Variants in ZCCHC17 observed in about 807,000 individuals in gnomAD.
ZCCHC17 encodes zinc finger CCHC domain-containing protein 17.
In ZCCHC17, 18 loss-of-function variants were observed where a neutral mutation model predicts 30.6. That is an observed-to-expected ratio of 0.59 (90% CI 0.41 to 0.87). ZCCHC17 has a LOEUF of 0.87. Among genes scored for constraint, ZCCHC17 ranks in the 40% least tolerant of loss-of-function variants. ZCCHC17 has a pLI of 0.00. For synonymous variants in ZCCHC17, 88 were observed against 92.4 expected (o/e 0.95, Z 0.27); for missense variants, 263 against 284.2 (o/e 0.93, Z 0.54).
At chr1:31,315,686 G>A (rs1352506838) in intron 2 of ZCCHC17, among the ~76,000 whole-genome samples, 1 of 152,186 alleles carries the variant, frequency 6.6e-6, no homozygotes, top group Admixed American at 6.5e-5. Flanking sequence ...GTGACAACAA[G>A]TTTCAAGGCC....
intron 3 of ZCCHC17, among the ~76,000 whole-genome samples, chr1:31,331,937 TAGTACACTAAACCTTCATGGACAAAAAA>T (rs1270287899): frequency 6.6e-6 from 1 of 152,112 alleles, no homozygotes; most frequent in Non-Finnish European, 1.5e-5. Flanking sequence ...GAGGAAGTGA[TAGTACACTAAACCTTCATGGACAAAAAA>T]AGTATCTCAA....
intron 3 of ZCCHC17, among the ~76,000 whole-genome samples, chr1:31,331,576 G>A (rs1207926898): frequency 6.6e-6 from 1 of 151,932 alleles, no homozygotes; most frequent in Non-Finnish European, 1.5e-5. Context: ...CCTTATTTAT[G>A]GCAGAAATGA....
At chr1:31,338,841 T>C in intron 4 of ZCCHC17, 116 bp from the exon 5 acceptor site, 1 of 650,480 alleles carries the variant, frequency 1.5e-6, no homozygotes, top group South Asian at 1.9e-5. Context: ...CCTAGCACAG[T>C]ACCTGGTCCA....
chr1:31,324,909 G>A (rs1008833923), intron 3 of ZCCHC17, among the ~76,000 whole-genome samples: 4 of 152,202 alleles, frequency 2.6e-5, no homozygotes, highest in African/African-American at 9.7e-5. Context: ...AAAGCATAGG[G>A]GCCAGGCTGT....
chr1:31,323,595 C>T (rs1278347558), intron 3 of ZCCHC17, among the ~76,000 whole-genome samples: 1 of 151,948 alleles, frequency 6.6e-6, no homozygotes, highest in Non-Finnish European at 1.5e-5. Flanking sequence ...TGCTGGGATT[C>T]CAGGCGTGAG....
chr1:31,305,609 T>C (rs1206519935), intron 1 of ZCCHC17, among the ~76,000 whole-genome samples: 2 of 152,066 alleles, frequency 1.3e-5, no homozygotes, highest in East Asian at 3.9e-4. Context: ...TTTCTTTTTT[T>C]TAAAAAATAT....
At chr1:31,350,190 C>G (rs544023126) in intron 7 of ZCCHC17, among the ~76,000 whole-genome samples, 1 of 152,132 alleles carries the variant, frequency 6.6e-6, no homozygotes, top group Non-Finnish European at 1.5e-5. Context: ...TAGGATTTTT[C>G]TAACTATGGC....
intron 1 of ZCCHC17, among the ~76,000 whole-genome samples, chr1:31,298,752 G>C (rs925033411): frequency 1.3e-5 from 2 of 152,330 alleles, no homozygotes; most frequent in Non-Finnish European, 1.5e-5. Flanking sequence ...GAGGCAGTTT[G>C]AAATACAGCT....
At chr1:31,308,896 G>T (rs927155167) in intron 1 of ZCCHC17, among the ~76,000 whole-genome samples, 3 of 152,132 alleles carry the variant, frequency 2.0e-5, no homozygotes, top group African/African-American at 4.8e-5. Flanking sequence ...TATTAGGTAC[G>T]TGTTAACAAA....
At chr1:31,334,303 A>ATCTCTCTCTCTCTCTCTC (rs373770669) in intron 3 of ZCCHC17, among the ~76,000 whole-genome samples, 2 of 51,592 alleles carry the variant, frequency 3.9e-5, no homozygotes, top group Non-Finnish European at 9.5e-5. Flanking sequence ...ATCCATGTGC[A>ATCTCTCTCTCTCTCTCTC]TCTCTCTCTC....
Position 31,310,167 on chromosome 1 carries a change from A to T in ZCCHC17, c.66+3A>T, listed in dbSNP as rs771665156. 6.2e-7 allele frequency: 1 copy of T among 1,613,950 alleles called. No homozygotes were observed. The highest frequency in any genetic ancestry group is 1.1e-5 in the South Asian group (1 of 91,066). Reference sequence around the variant, plus strand: ...TCTACACTATTTTCCAAGGAGAGGTATATTCTTTTGTGCTTTGAAAACCCA... The same window carrying T: ...TCTACACTATTTTCCAAGGAGAGGTTTATTCTTTTGTGCTTTGAAAACCCA... On this transcript the variant is annotated splice_donor_region_variant and intron_variant, in intron 2 of 7. Coordinates refer to ENST00000344147, the MANE Select transcript of ZCCHC17 (RefSeq NM_016505.4).
At chr1:31,358,369 A>T (rs900796685) in intron 7 of ZCCHC17, among the ~76,000 whole-genome samples, 1 of 152,190 alleles carries the variant, frequency 6.6e-6, no homozygotes, top group African/African-American at 2.4e-5. Flanking sequence ...GAATGACATG[A>T]TCTGACTTCC....
At chr1:31,315,574 A>C (rs568221166) in intron 2 of ZCCHC17, among the ~76,000 whole-genome samples, 1 of 152,286 alleles carries the variant, frequency 6.6e-6, no homozygotes, top group East Asian at 1.9e-4. Flanking sequence ...TTGGACTAGA[A>C]GTAAAAAAAA....
intron 3 of ZCCHC17, among the ~76,000 whole-genome samples, chr1:31,328,106 A>G (rs181082100): frequency 1.6e-3 from 237 of 152,346 alleles, no homozygotes; most frequent in Non-Finnish European, 3.1e-3. Flanking sequence ...AATTCATACT[A>G]GTTTTGCTGT....
intron 7 of ZCCHC17, among the ~76,000 whole-genome samples, chr1:31,353,354 T>C (rs537902572): frequency 6.6e-6 from 1 of 152,332 alleles, no homozygotes; most frequent in Non-Finnish European, 1.5e-5. Flanking sequence ...TGTCCCTTTT[T>C]TCCCTATCAG....
intron 2 of ZCCHC17, among the ~76,000 whole-genome samples, chr1:31,317,024 C>CTTTTTTTT (rs1196920105): frequency 4.7e-5 from 6 of 126,538 alleles, no homozygotes; most frequent in Non-Finnish European, 6.6e-5. Flanking sequence ...AACTTTTTTT[C>CTTTTTTTT]TTTTTTTTTT....
intron 7 of ZCCHC17, among the ~76,000 whole-genome samples, chr1:31,363,183 T>C (rs1639985776): frequency 7.5e-6 from 1 of 133,650 alleles, no homozygotes; most frequent in Non-Finnish European, 1.6e-5. Context: ...TGTCTTATAC[T>C]TTTTTTTTTT....
intron 5 of ZCCHC17, among the ~76,000 whole-genome samples, chr1:31,343,599 TA>T (rs1639128645): frequency 6.6e-6 from 1 of 152,150 alleles, no homozygotes; most frequent in Non-Finnish European, 1.5e-5. Context: ...GGAAAGGGGC[TA>T]AAAGCAGTTT....
In ZCCHC17 at chr1:31,364,598, G is replaced by C. The variant is rs1424485283; in HGVS notation, c.*405G>C. On this transcript the variant is annotated 3_prime_UTR_variant, in exon 8 of 8. Coordinates refer to ENST00000344147, the MANE Select transcript of ZCCHC17 (RefSeq NM_016505.4). ...TTAGAGTGATTGGACCCTTCCTATTGGTCTGTCCTGGGCCAACTGGTGGGT... is the reference window on the plus strand; with the variant it reads ...TTAGAGTGATTGGACCCTTCCTATTCGTCTGTCCTGGGCCAACTGGTGGGT... The C allele has an allele frequency of 2.1e-5, 4 of 192,118 alleles. No individual in the cohort carries two copies. Among genetic ancestry groups the C allele is most frequent in the African/African-American group, 9.2e-5 (4 of 43,274 alleles). The allele number at this position is 192,118 out of a possible 1,614,324, so 11.9% of individuals were successfully genotyped here. A position where few individuals can be genotyped will look rare whatever the true frequency, so the allele number is the denominator to read the frequency against.
Sources: allele counts gnomAD v4.1 joint callset (sites outside exome capture counted in the v4.1 genomes callset), GRCh38; gene constraint gnomAD v4.1.1; transcripts MANE v1.5; gene names NCBI Gene and HGNC (gene_info 2026-07-23, HGNC 2026-07-21).